Variants in STK4 observed in about 807,000 individuals in gnomAD.
STK4 encodes the protein serine/threonine-protein kinase 4.
Under a neutral mutation model 64.9 loss-of-function variants are expected in STK4, and 30 were observed. The ratio of observed to expected loss-of-function variants is 0.46; its 90% CI spans 0.35 to 0.63. The LOEUF (loss-of-function observed/expected upper bound fraction) is 0.63. Among genes scored for constraint, STK4 ranks in the 20% least tolerant of loss-of-function variants. The pLI, the probability that STK4 is intolerant of heterozygous loss-of-function variation, is 0.01. For synonymous variants in STK4, 177 were observed against 199.0 expected, an observed-to-expected ratio of 0.89 and a Z score of 0.93; for missense variants, 466 against 598.5, an observed-to-expected ratio of 0.78 and a Z score of 2.31.
At chr20:45,054,939 C>T in intron 10 of STK4, among the ~76,000 whole-genome samples, 1 of 152,166 alleles carries the variant, frequency 6.6e-6, no homozygotes, top group East Asian at 1.9e-4. Context: ...TCTCTCCCAC[C>T]TGTCCTTGTG....
intron 9 of STK4, among the ~76,000 whole-genome samples, chr20:45,019,030 C>T (rs1600483780): frequency 6.6e-6 from 1 of 152,240 alleles, no homozygotes; most frequent in East Asian, 1.9e-4. Flanking sequence ...CCATGCCTGG[C>T]CACTATTTTT....
intron 9 of STK4, among the ~76,000 whole-genome samples, chr20:45,024,150 T>C (rs1160364856): frequency 6.6e-6 from 1 of 152,000 alleles, no homozygotes; most frequent in Non-Finnish European, 1.5e-5. Context: ...TCTGCCCACC[T>C]CAGCCTCCCA....
chr20:44,994,727 G>A (rs914356675), intron 5 of STK4, among the ~76,000 whole-genome samples: 10 of 151,982 alleles, frequency 6.6e-5, no homozygotes, highest in African/African-American at 2.4e-4. Context: ...GCCAACTTAT[G>A]TACTAAAATG....
At chr20:45,072,743 C>T (rs1205833943) in intron 10 of STK4, among the ~76,000 whole-genome samples, 3 of 152,184 alleles carry the variant, frequency 2.0e-5, no homozygotes, top group Non-Finnish European at 4.4e-5. Flanking sequence ...TTCTTTTTCA[C>T]ATGTTTGATT....
chr20:45,024,175 C>T (rs2068301981), intron 9 of STK4, among the ~76,000 whole-genome samples: 1 of 152,030 alleles, frequency 6.6e-6, no homozygotes, highest in South Asian at 2.1e-4. Context: ...GCTGGGATTA[C>T]AGGCGTGAGC....
intron 9 of STK4, among the ~76,000 whole-genome samples, chr20:45,002,939 T>A (rs1056845693): frequency 2.6e-5 from 4 of 152,148 alleles, no homozygotes; most frequent in African/African-American, 9.7e-5. Context: ...TAGAAAATAG[T>A]AAAATGAATT....
intron 9 of STK4, among the ~76,000 whole-genome samples, chr20:45,016,488 G>A: frequency 6.6e-6 from 1 of 152,210 alleles, no homozygotes; most frequent in Non-Finnish European, 1.5e-5. Context: ...TCCTGCCAGA[G>A]TGGAGACTAA....
At position 45,000,393 on chromosome 20, in the gene STK4, A is replaced by C; in HGVS notation, c.833A>C (p.His278Pro). Reference protein sequence around the residue: ...QRATATQLLQHPFVRSAKGVS... With the variant: ...QRATATQLLQPPFVRSAKGVS... ...GTATTTTCTACTTTGTTCTTTTAGC[A>C]CCCATTTGTCAGGAGTGCCAAAGGA... Residue 278 changes from histidine (H) to proline (P), a missense_variant and splice_region_variant, in exon 8 of 11, where the codon CAC (histidine) becomes CCC (proline). Around this residue, in one of 2 missense-constraint regions of STK4, gnomAD observed 276 missense variants for 308.9 expected, o/e 0.89. Transcript: ENST00000372806. 6.2e-7 allele frequency: 1 copy of C among 1,613,440 alleles called. No homozygotes were observed. Among genetic ancestry groups the C allele is most frequent in the East Asian group, 2.2e-5 (1 of 44,852 alleles).
At chr20:45,003,738 C>T (rs920977312) in intron 9 of STK4, among the ~76,000 whole-genome samples, 23 of 138,322 alleles carry the variant, frequency 1.7e-4, no homozygotes, top group African/African-American at 6.4e-4. Context: ...TTTTTGGAGA[C>T]GGAGTCTCAC....
At chr20:44,997,525 A>T (rs1253846087) in intron 7 of STK4, among the ~76,000 whole-genome samples, 1 of 152,138 alleles carries the variant, frequency 6.6e-6, no homozygotes, top group African/African-American at 2.4e-5. Flanking sequence ...TGTCTCTACA[A>T]AAAGAATGCA....
chr20:45,042,215 CTCT>C (rs11472337), intron 10 of STK4, among the ~76,000 whole-genome samples: 4 of 151,402 alleles, frequency 2.6e-5, no homozygotes, highest in Non-Finnish European at 5.9e-5. Context: ...ATATTTTTCA[CTCT>C]TCTTTTGAGC....
rs2067705807 is a variant in STK4, at chr20:44,995,187, G to C, written c.623G>C (p.Trp208Ser). ...EIGYNCVADI[W>S]SLGITAIEMA... is the part of the protein sequence containing the mutation. Reference sequence around the variant, plus strand: ...GGATACAACTGTGTAGCAGACATCTGGTCCCTGGGAATAACTGCCATAGAA... The same window carrying C: ...GGATACAACTGTGTAGCAGACATCTCGTCCCTGGGAATAACTGCCATAGAA... Residue 208 changes from tryptophan (W) to serine (S), a missense_variant, in exon 6 of 11, where the codon TGG becomes TCG. Around this residue, in one of 2 missense-constraint regions of STK4, gnomAD observed 190 missense variants for 289.7 expected, o/e 0.66. Transcript: ENST00000372806. The C allele has an allele frequency of 1.2e-6, 2 of 1,613,640 alleles. No individual in the cohort carries two copies. The highest frequency in any genetic ancestry group is 1.7e-5 in the Admixed American group (1 of 59,954).
chr20:45,005,913 C>G (rs555670888), intron 9 of STK4, among the ~76,000 whole-genome samples: 2 of 151,888 alleles, frequency 1.3e-5, no homozygotes, highest in African/African-American at 4.8e-5. Flanking sequence ...TAAGTGGACT[C>G]TTATTTTCTC....
At chr20:44,992,466 A>G (rs925182493) in intron 5 of STK4, among the ~76,000 whole-genome samples, 1 of 151,494 alleles carries the variant, frequency 6.6e-6, no homozygotes, top group Non-Finnish European at 1.5e-5. Context: ...TCCCTATTTT[A>G]CCCAGGCTGG....
chr20:45,001,508 G>A (rs953111419), intron 9 of STK4, among the ~76,000 whole-genome samples, 155 bp downstream of exon 9: 7 of 152,202 alleles, frequency 4.6e-5, no homozygotes, highest in Non-Finnish European at 2.9e-5. Flanking sequence ...GGGGACAGGA[G>A]GTTTGGTGAG....
chr20:45,067,944 G>C (rs1210371760), intron 10 of STK4, among the ~76,000 whole-genome samples: 1 of 152,134 alleles, frequency 6.6e-6, no homozygotes, highest in Non-Finnish European at 1.5e-5. Context: ...CCTGTACCGT[G>C]TTGTGAGCTC....
chr20:45,026,782 G>A (rs181777460), intron 10 of STK4, among the ~76,000 whole-genome samples: 2 of 152,232 alleles, frequency 1.3e-5, no homozygotes, highest in Admixed American at 1.3e-4. Flanking sequence ...ATTCAAAGGT[G>A]GCAAATTATG....
At position 44,971,526 on chromosome 20, in the gene STK4, T is replaced by G. The variant is rs2067245462; in HGVS notation, c.36-552T>G. Reference sequence around the variant, plus strand: ...GTCTGCAGTCCAATTCATAGTTATGTTTCAATTCATAGTTACCTTACATTA... The same window carrying G: ...GTCTGCAGTCCAATTCATAGTTATGGTTCAATTCATAGTTACCTTACATTA... On this transcript the variant is annotated intron_variant, in intron 1 of 10. Transcript: ENST00000372806. Among the ~76,000 whole-genome samples the G allele has an allele frequency of 2.0e-5, 3 of 152,212 alleles. 1 individual carries two copies.
chr20:45,004,888 C>T (rs1403376730), intron 9 of STK4, among the ~76,000 whole-genome samples: 1 of 151,828 alleles, frequency 6.6e-6, no homozygotes, highest in Non-Finnish European at 1.5e-5. Context: ...CCTGCCCCAG[C>T]CTCCCAAGTA....
Sources: allele counts gnomAD v4.1 joint callset (sites outside exome capture counted in the v4.1 genomes callset), GRCh38; gene constraint gnomAD v4.1.1; regional missense constraint gnomAD v4.1.1; transcripts MANE v1.5; gene names NCBI Gene and HGNC (gene_info 2026-07-23, HGNC 2026-07-21).